CACNA2D3: variants seen among roughly 807,000 people sequenced by gnomAD.
CACNA2D3 encodes the protein voltage-dependent calcium channel subunit alpha-2/delta-3.
CACNA2D3 carries 60 observed loss-of-function variants against 160.6 expected under a neutral mutation model. The ratio of observed to expected loss-of-function variants is 0.37; its 90% CI spans 0.30 to 0.46. The LOEUF (loss-of-function observed/expected upper bound fraction) is 0.46, where lower values mean the gene tolerates loss of function less well. Ranked by LOEUF, CACNA2D3 falls within the 20% of genes least tolerant of loss-of-function variation. The pLI, the probability that CACNA2D3 is intolerant of heterozygous loss-of-function variation, is 1.00. For missense variants in CACNA2D3, 1,205 were observed against 1,365.0 expected (o/e 0.88, Z 1.85); for synonymous variants, 558 against 492.9 (o/e 1.13, Z -1.75).
intron 2 of CACNA2D3, among the ~76,000 whole-genome samples, chr3:54,285,666 TGGGA>T (rs1702999258): frequency 6.6e-6 from 1 of 152,244 alleles, no homozygotes; most frequent in South Asian, 2.1e-4. Flanking sequence ...GCAGCCTAAC[TGGGA>T]GGCACCCCCC....
intron 31 of CACNA2D3, among the ~76,000 whole-genome samples, chr3:54,992,462 G>A (rs533911241): frequency 2.0e-5 from 3 of 152,234 alleles, no homozygotes; most frequent in East Asian, 3.9e-4. Flanking sequence ...GATCCCTGCA[G>A]GACACAATCA....
rs537956772 is a variant in CACNA2D3, at chr3:54,984,488, A to G, written c.2557-120A>G. On this transcript the variant is annotated intron_variant, in intron 29 of 37. Transcript: ENST00000474759. ...AGGCTTTTGCAATTGCCTGAAAACA[A>G]TTGCTTTCCAAAAAAATAAGTTTGT... 27 of 677,162 alleles carry G rather than the reference A, an allele frequency of 4.0e-5. No homozygotes were observed. The South Asian group carries it at 4.3e-4, about 11-fold the overall frequency. 41.9% of individuals were successfully genotyped at this position (677,162 alleles called of 1,614,324 possible).
At chr3:54,187,161 C>T (rs901564356) in intron 2 of CACNA2D3, among the ~76,000 whole-genome samples, 6 of 152,194 alleles carry the variant, frequency 3.9e-5, no homozygotes, top group Non-Finnish European at 1.5e-5. Context: ...TGCTGATGAA[C>T]GGGGTGACCT....
chr3:55,066,132 G>T (rs1422816221), intron 35 of CACNA2D3, among the ~76,000 whole-genome samples: 1 of 152,186 alleles, frequency 6.6e-6, no homozygotes, highest in Non-Finnish European at 1.5e-5. Context: ...GGCAGGGCAG[G>T]TGGGGGATAG....
intron 5 of CACNA2D3, among the ~76,000 whole-genome samples, chr3:54,552,019 G>A (rs1702166465): frequency 1.3e-5 from 2 of 152,184 alleles, no homozygotes; most frequent in Non-Finnish European, 2.9e-5. Flanking sequence ...TGCCATTTTA[G>A]AATCAGAAGC....
At chr3:54,614,313 AG>A (rs1698805400) in intron 9 of CACNA2D3, among the ~76,000 whole-genome samples, 1 of 152,212 alleles carries the variant, frequency 6.6e-6, no homozygotes, top group African/African-American at 2.4e-5. Flanking sequence ...GTACTGGCCC[AG>A]GGCAGAGCCT....
chr3:54,749,912 A>C (rs1701826707), intron 11 of CACNA2D3, among the ~76,000 whole-genome samples: 1 of 152,210 alleles, frequency 6.6e-6, no homozygotes, highest in Non-Finnish European at 1.5e-5. Flanking sequence ...TACCTGACCC[A>C]GGGGATGGTG....
chr3:54,322,825 A>G (rs1398985459), intron 3 of CACNA2D3, among the ~76,000 whole-genome samples: 2 of 152,228 alleles, frequency 1.3e-5, no homozygotes, highest in Non-Finnish European at 2.9e-5. Flanking sequence ...AGATAAAAAA[A>G]AAAAGACGAT....
At chr3:54,694,139 G>A (rs574326016) in intron 11 of CACNA2D3, among the ~76,000 whole-genome samples, 42 of 152,290 alleles carry the variant, frequency 2.8e-4, no homozygotes, top group Admixed American at 2.6e-3. Context: ...CTATACAGGA[G>A]TTCCATTTTT....
chr3:54,811,739 G>A (rs768252889), intron 13 of CACNA2D3, among the ~76,000 whole-genome samples: 4 of 152,004 alleles, frequency 2.6e-5, no homozygotes, highest in Non-Finnish European at 5.9e-5. Context: ...GACCTCGGGT[G>A]ATCTGCTCAC....
chr3:54,755,175 T>C (rs983477474), intron 12 of CACNA2D3, among the ~76,000 whole-genome samples: 8 of 152,190 alleles, frequency 5.3e-5, no homozygotes, highest in African/African-American at 1.9e-4. Flanking sequence ...CTAGCAAATC[T>C]AAATTCTGAT....
chr3:54,955,154 G>T (rs924164489), intron 27 of CACNA2D3, among the ~76,000 whole-genome samples: 1 of 152,166 alleles, frequency 6.6e-6, no homozygotes, highest in African/African-American at 2.4e-5. Flanking sequence ...ACCCAGTGGG[G>T]TACAGAAGCT....
At chr3:54,835,027 C>T (rs1698646089) in intron 14 of CACNA2D3, among the ~76,000 whole-genome samples, 1 of 152,216 alleles carries the variant, frequency 6.6e-6, no homozygotes, top group African/African-American at 2.4e-5. Context: ...AACACCTTCC[C>T]AGCAACATCT....
chr3:54,391,371 A>G (rs1699276839), intron 4 of CACNA2D3, among the ~76,000 whole-genome samples: 1 of 152,190 alleles, frequency 6.6e-6, no homozygotes, highest in Non-Finnish European at 1.5e-5. Flanking sequence ...TTAGTTGTTA[A>G]CAAAAACTGT....
intron 12 of CACNA2D3, 144 bp from the exon 13 acceptor site, chr3:54,764,074 A>G: frequency 2.4e-6 from 2 of 842,046 alleles, no homozygotes; most frequent in African/African-American, 1.7e-5. Flanking sequence ...TAACGTTGAA[A>G]AGAAAAATGG....
intron 4 of CACNA2D3, among the ~76,000 whole-genome samples, chr3:54,468,900 C>A (rs1053924557): frequency 6.6e-6 from 1 of 152,306 alleles, no homozygotes; most frequent in Admixed American, 6.5e-5. Flanking sequence ...GGTACGACAT[C>A]TCTGAAAGAA....
chr3:54,821,672 C>CTTTG (rs1216641131), intron 14 of CACNA2D3, among the ~76,000 whole-genome samples: 1 of 120,302 alleles, frequency 8.3e-6, no homozygotes, highest in Non-Finnish European at 1.8e-5. Flanking sequence ...TTCTTTCTTT[C>CTTTG]TTTCTTTCTT....
At chr3:54,927,835 T>C (rs1701068416) in intron 27 of CACNA2D3, 2 of 1,517,206 alleles carry the variant, frequency 1.3e-6, no homozygotes, top group Admixed American at 1.7e-5. Context: ...TTCCCGCAGA[T>C]ACCTTTGTGA....
intron 27 of CACNA2D3, among the ~76,000 whole-genome samples, chr3:54,945,117 G>A (rs1701580493): frequency 6.6e-6 from 1 of 152,198 alleles, no homozygotes; most frequent in Admixed American, 6.5e-5. Context: ...GCAGGGAAAG[G>A]AAGGTTAGGA....
Sources: gnomAD v4.1 joint callset for allele counts (sites outside exome capture counted in the v4.1 genomes callset) on GRCh38, gnomAD v4.1.1 for gene constraint, MANE v1.5 for transcripts, NCBI Gene and HGNC (gene_info 2026-07-23, HGNC 2026-07-21) for gene names.